The following DENND4A variants were observed in gnomAD, a reference collection of about 807,000 sequenced individuals.
DENND4A encodes C-myc promoter-binding protein.
In DENND4A, 70 loss-of-function variants were observed where a neutral mutation model predicts 199.3. The observed-to-expected ratio is 0.35, with a 90% CI of 0.29 to 0.43. The LOEUF (loss-of-function observed/expected upper bound fraction) is 0.43. DENND4A is among the 20% of genes least tolerant of loss of function. DENND4A has a pLI of 1.00. For missense variants in DENND4A, 1,723 were observed against 2,255.8 expected, an observed-to-expected ratio of 0.76 and a Z score of 4.78; for synonymous variants, 686 against 766.9, an observed-to-expected ratio of 0.89 and a Z score of 1.74.
chr15:65,750,283 G>T (rs1272502950), intron 4 of DENND4A, among the ~76,000 whole-genome samples: 3 of 152,042 alleles, frequency 2.0e-5, no homozygotes, highest in African/African-American at 4.8e-5. Flanking sequence ...GCTAAATATT[G>T]GGTATACCTG....
rs931151471 is a variant in DENND4A, at chr15:65,741,882, T to G, written c.562-98A>C. 3.6e-6 allele frequency: 3 copies of G among 823,446 alleles called. No homozygotes were observed. The African/African-American group carries it at 5.3e-5, about 15-fold the overall frequency. The allele number at this position is 823,446 out of a possible 1,614,324, so 51.0% of individuals were successfully genotyped here. On this transcript the variant is annotated intron_variant, in intron 4 of 32. Transcript: ENST00000443035. ...GCTCTCTAGTATGTATTATCTAATATGTAGTAACAAATTTCCCTCTGCTAG... is the reference window on the plus strand; with the variant it reads ...GCTCTCTAGTATGTATTATCTAATAGGTAGTAACAAATTTCCCTCTGCTAG...
chr15:65,717,339 C>G (rs908561069), intron 13 of DENND4A, among the ~76,000 whole-genome samples: 1 of 152,002 alleles, frequency 6.6e-6, no homozygotes, highest in Non-Finnish European at 1.5e-5. Flanking sequence ...CTTCATGGCA[C>G]AGATAGGAAA....
intron 14 of DENND4A, among the ~76,000 whole-genome samples, chr15:65,712,664 T>C (rs1249155543): frequency 1.3e-5 from 2 of 152,226 alleles, no homozygotes; most frequent in Middle Eastern, 3.4e-3. Context: ...AATTTTATGT[T>C]AAACTAAGAA....
chr15:65,766,250 C>CAA (rs5813366), intron 1 of DENND4A, among the ~76,000 whole-genome samples: 21,711 of 93,494 alleles, frequency 0.23, 2,723 homozygotes, highest in East Asian at 0.73. Flanking sequence ...GACTCCACCT[C>CAA]AAAAAAAAAA....
At chr15:65,724,451 G>C (rs1398472509) in intron 11 of DENND4A, among the ~76,000 whole-genome samples, 1 of 149,814 alleles carries the variant, frequency 6.7e-6, no homozygotes, top group Non-Finnish European at 1.5e-5. Context: ...TATAGAAAAA[G>C]AAAAGAAAAG....
chr15:65,667,818 G>A, intron 28 of DENND4A, 107 bp downstream of exon 28: 1 of 1,483,770 alleles, frequency 6.7e-7, no homozygotes, highest in Non-Finnish European at 9.1e-7. Context: ...TGGGATAAGA[G>A]ACTCTTCTTG....
intron 23 of DENND4A, among the ~76,000 whole-genome samples, chr15:65,687,034 T>A (rs1023868247): frequency 2.6e-5 from 4 of 152,128 alleles, no homozygotes; most frequent in African/African-American, 9.7e-5. Context: ...GTGTTTAGAT[T>A]GTTATCATTT....
intron 1 of DENND4A, among the ~76,000 whole-genome samples, chr15:65,774,868 CTT>C (rs397854207): frequency 4.2e-4 from 47 of 112,036 alleles, no homozygotes; most frequent in East Asian, 1.7e-3. Context: ...CAAATGTTTA[CTT>C]TTTTTTTTTT....
At chr15:65,744,473 G>C (rs917412921) in intron 4 of DENND4A, among the ~76,000 whole-genome samples, 8 of 152,030 alleles carry the variant, frequency 5.3e-5, no homozygotes, top group Non-Finnish European at 4.4e-5. Context: ...TCACCTCCAT[G>C]GGGTATCAAC....
rs1200689113 is a variant in DENND4A at position 65,661,067 on chromosome 15, T to A, written c.*784A>T. On this transcript the variant is annotated 3_prime_UTR_variant, in exon 33 of 33. Transcript: ENST00000443035. Reference sequence around the variant, plus strand: ...AGCAATAGAGACAATTTTGGAGTCATGGTATAGTGAACCTCTCTGGCTCTC... The same window carrying A: ...AGCAATAGAGACAATTTTGGAGTCAAGGTATAGTGAACCTCTCTGGCTCTC... 2 of 152,186 alleles carry A rather than the reference T, an allele frequency of 1.3e-5. No individual in the cohort carries two copies. The highest frequency in any genetic ancestry group is 1.5e-5 in the Non-Finnish European group (1 of 68,040). The allele number at this position is 152,186 out of a possible 1,614,324, so 9.4% of individuals were successfully genotyped here. A position where few individuals can be genotyped will look rare whatever the true frequency, so the allele number is the denominator to read the frequency against.
At chr15:65,782,101 A>G (rs952670333) in intron 1 of DENND4A, among the ~76,000 whole-genome samples, 1 of 152,244 alleles carries the variant, frequency 6.6e-6, no homozygotes, top group African/African-American at 2.4e-5. Flanking sequence ...TCTCATCTGC[A>G]AAACTGAGAT....
intron 23 of DENND4A, among the ~76,000 whole-genome samples, chr15:65,679,401 C>T (rs941546846): frequency 2.6e-5 from 4 of 151,874 alleles, no homozygotes; most frequent in East Asian, 1.9e-4. Context: ...ACACCTGGCC[C>T]GATCCTCACT....
At chr15:65,755,817 C>CT (rs2140669560) in intron 3 of DENND4A, among the ~76,000 whole-genome samples, 1 of 152,182 alleles carries the variant, frequency 6.6e-6, no homozygotes, top group Non-Finnish European at 1.5e-5. Context: ...GCTTAAAAGC[C>CT]TTTTTTCGTA....
intron 14 of DENND4A, among the ~76,000 whole-genome samples, chr15:65,710,744 G>A (rs151106457): frequency 1.7e-3 from 263 of 152,336 alleles, no homozygotes; most frequent in African/African-American, 6.1e-3. Flanking sequence ...CCCCAATGTT[G>A]GAGGTGGGGC....
chr15:65,779,222 G>A (rs1318637879), intron 1 of DENND4A, among the ~76,000 whole-genome samples: 6 of 152,122 alleles, frequency 3.9e-5, no homozygotes, highest in East Asian at 1.9e-4. Context: ...TTGGGAGGCC[G>A]AGGCGCGTGG....
At chr15:65,783,965 A>G (rs1044331990) in intron 1 of DENND4A, among the ~76,000 whole-genome samples, 2 of 152,204 alleles carry the variant, frequency 1.3e-5, no homozygotes, top group Non-Finnish European at 1.5e-5. Context: ...ACGGGAAAAC[A>G]ATACAGTAAA....
At chr15:65,746,142 A>G (rs1329741706) in intron 4 of DENND4A, among the ~76,000 whole-genome samples, 3 of 136,892 alleles carry the variant, frequency 2.2e-5, no homozygotes, top group Admixed American at 1.4e-4. Flanking sequence ...ACTCCGTCTC[A>G]AAAAAAAAAA....
intron 1 of DENND4A, among the ~76,000 whole-genome samples, chr15:65,764,681 AAAT>A (rs901738211): frequency 1.3e-5 from 2 of 152,038 alleles, no homozygotes; most frequent in African/African-American, 4.8e-5. Context: ...AATTAAAAAA[AAAT>A]AACAAGTGGC....
At chr15:65,762,949 T>C (rs1048581431) in intron 1 of DENND4A, among the ~76,000 whole-genome samples, 3 of 152,188 alleles carry the variant, frequency 2.0e-5, no homozygotes, top group African/African-American at 4.8e-5. Context: ...CAAATTCTTC[T>C]GAACAAGAGA....
Sources: allele counts gnomAD v4.1 joint callset (sites outside exome capture counted in the v4.1 genomes callset), GRCh38; gene constraint gnomAD v4.1.1; transcripts MANE v1.5; gene names NCBI Gene and HGNC (gene_info 2026-07-23, HGNC 2026-07-21).